METTL3: variants seen among roughly 807,000 people sequenced by gnomAD.
METTL3 encodes the protein methyltransferase 3, N6-adenosine-methyltransferase complex catalytic subunit.
Under a neutral mutation model 64.3 loss-of-function variants are expected in METTL3, and 42 were observed. The observed-to-expected ratio is 0.65, with a 90% CI of 0.51 to 0.84. The LOEUF (loss-of-function observed/expected upper bound fraction) is 0.84. Ranked by LOEUF, METTL3 falls within the 40% of genes least tolerant of loss-of-function variation. The pLI is 0.00. For synonymous variants in METTL3, 256 were observed against 263.6 expected, an observed-to-expected ratio of 0.97 and a Z score of 0.28; for missense variants, 435 against 722.3, an observed-to-expected ratio of 0.60 and a Z score of 4.56.
chr14:21,498,645 T>C, intron 10 of METTL3: 1 of 510,172 alleles, frequency 2.0e-6, no homozygotes, highest in Admixed American at 3.6e-5. Context: ...GAGTATTCTT[T>C]GGATAAGCAA....
At chr14:21,502,008 TC>T in intron 3 of METTL3, 105 bp from the exon 4 acceptor site, 1 of 732,586 alleles carries the variant, frequency 1.4e-6, no homozygotes, top group Non-Finnish European at 2.1e-6. Flanking sequence ...AAGAGATAAA[TC>T]AACTTTTTTT....
intron 10 of METTL3, 79 bp from the exon 11 acceptor site, chr14:21,498,448 A>G (rs1190852191): frequency 7.5e-7 from 1 of 1,335,752 alleles, no homozygotes; most frequent in Non-Finnish European, 1.1e-6. Flanking sequence ...TGCATACCAA[A>G]TGAAGACTGC....
At position 21,498,206 on chromosome 14, in the gene METTL3, T is replaced by C. The variant is rs1891454408; in HGVS notation, c.*52A>G. The C allele has an allele frequency of 9.7e-7, 1 of 1,034,132 alleles. No homozygotes were observed. Among genetic ancestry groups the C allele is most frequent in the Non-Finnish European group, 1.5e-6 (1 of 654,902 alleles). The allele number at this position is 1,034,132 out of a possible 1,614,324, so 64.1% of individuals were successfully genotyped here. A position where few individuals can be genotyped will look rare whatever the true frequency, so the allele number is the denominator to read the frequency against. On this transcript the variant is annotated 3_prime_UTR_variant, in exon 11 of 11. Coordinates refer to ENST00000298717, the MANE Select transcript of METTL3 (RefSeq NM_019852.5). The stretch of plus-strand genomic sequence containing the variant: ...TATTGTACAAATATCACTCTTCAGG[T>C]TTAGCTTACAGAGCCATGGCTATGG...
intron 6 of METTL3, among the ~76,000 whole-genome samples, chr14:21,500,279 G>A (rs887825062): frequency 6.6e-6 from 1 of 151,988 alleles, no homozygotes; most frequent in Non-Finnish European, 1.5e-5. Flanking sequence ...CAGGAGAATT[G>A]CTTGAACCTG....
At chr14:21,509,815 A>G (rs1033165200) in intron 1 of METTL3, among the ~76,000 whole-genome samples, 5 of 152,232 alleles carry the variant, frequency 3.3e-5, no homozygotes, top group Non-Finnish European at 5.9e-5. Context: ...TGTATCTATA[A>G]ATAAATCAAT....
At chr14:21,503,065 C>T in intron 3 of METTL3, 108 bp downstream of exon 3, 1 of 1,227,186 alleles carries the variant, frequency 8.1e-7, no homozygotes. Flanking sequence ...GAATCATCCC[C>T]AGTTGAGAAC....
chr14:21,501,423 C>T, intron 4 of METTL3: 1 of 544,660 alleles, frequency 1.8e-6, no homozygotes, highest in South Asian at 2.2e-5. Context: ...GTTTAGGTTC[C>T]TTTTCTCCTA....
At chr14:21,504,198 C>T in intron 1 of METTL3, 1 of 306,602 alleles carries the variant, frequency 3.3e-6, no homozygotes, top group South Asian at 3.3e-5. Flanking sequence ...TTTCTATCAA[C>T]CTACATTTTA....
Position 21,500,964 on chromosome 14 carries a change from A to G in METTL3, c.1065T>C (p.Leu355=). The G allele has an allele frequency of 6.2e-7, 1 of 1,614,184 alleles. No individual in the cohort carries two copies. Among genetic ancestry groups the G allele is most frequent in the Non-Finnish European group, 8.5e-7 (1 of 1,180,026 alleles). ...KDHTPSQELA[L]TQSVGGDSSA... The stretch of plus-strand genomic sequence containing the variant: ...TGGAATCACCTCCGACACTCTGTGT[A>G]AGAGCAAGCTCCTGGCTTGGCGTGT... Residue 355 remains leucine (L), a synonymous_variant, in exon 5 of 11, where the codon CTT becomes CTC. Transcript: ENST00000298717.
chr14:21,503,094 C>A, intron 3 of METTL3, 79 bp downstream of exon 3: 1 of 1,463,040 alleles, frequency 6.8e-7, no homozygotes, highest in South Asian at 1.3e-5. Context: ...TAAACAGTTC[C>A]TTGCCCTAGG....
Position 21,501,756 on chromosome 14 carries a change from C to T in METTL3, c.871G>A (p.Asp291Asn). Residue 291 changes from aspartate to asparagine, a missense_variant, in exon 4 of 11, where the codon GAT becomes AAT. Transcript: ENST00000298717. ...AAGTGCAGCTTGCGACAGGGTCGATCAGCATCACTGGCTTTCATGCACTCC... is the reference window on the plus strand; with the variant it reads ...AAGTGCAGCTTGCGACAGGGTCGATTAGCATCACTGGCTTTCATGCACTCC... ...KEECMKASDADRPCRKLHFRR... is the reference protein window; with the variant it reads ...KEECMKASDANRPCRKLHFRR... 1 of 1,614,208 alleles carries T rather than the reference C, an allele frequency of 6.2e-7. No homozygotes were observed. The highest frequency in any genetic ancestry group is 2.2e-5 in the East Asian group (1 of 44,886).
chr14:21,499,117 T>G lies in METTL3; in HGVS notation c.1539A>C (p.Lys513Asn), dbSNP rs1018924508. The change falls in exon 10 of 11, where the codon AAA (lysine) becomes AAC (asparagine). Residue 513 changes from lysine to asparagine, a missense_variant. Transcript: ENST00000298717. ...IVAEVRSTSH[K>N]PDEIYGMIER... is the part of the protein sequence containing the mutation. ...CAATCATGCCATAGATTTCATCTGG[T>G]TTATGACTGGTGGAACGAACCTAGG... 1 of 1,613,998 alleles carries G rather than the reference T, an allele frequency of 6.2e-7. No homozygotes were observed. Among genetic ancestry groups the G allele is most frequent in the Non-Finnish European group, 8.5e-7 (1 of 1,179,896 alleles).
chr14:21,511,012 G>A (rs1304752649), intron 1 of METTL3, 112 bp downstream of exon 1: 1 of 1,247,126 alleles, frequency 8.0e-7, no homozygotes, highest in Non-Finnish European at 1.1e-6. Context: ...CAATGTACGA[G>A]GCTTTATAGA....
intron 1 of METTL3, 127 bp from the exon 2 acceptor site, chr14:21,504,008 A>G: frequency 1.3e-6 from 1 of 763,976 alleles, no homozygotes; most frequent in South Asian, 1.8e-5. Context: ...TCTGTGACCA[A>G]CTTTAGCACT....
chr14:21,510,622 G>GT (rs1891809641), intron 1 of METTL3: 1 of 152,446 alleles, frequency 6.6e-6, no homozygotes, highest in African/African-American at 2.4e-5. Context: ...GCCGGTAGGG[G>GT]TACTCATTCA....
chr14:21,511,144 T>C lies in METTL3; in HGVS notation c.80A>G (p.Lys27Arg), dbSNP rs753284089. The C allele has an allele frequency of 6.2e-7, 1 of 1,614,114 alleles. No homozygotes were observed. Among genetic ancestry groups the C allele is most frequent in the South Asian group, 1.1e-5 (1 of 91,070 alleles). ...SLRERLQRRR[K>R]QDSGHLDLRN... is the part of the protein sequence containing the mutation. ...CTCACCCAAGTGCCCCGAGTCCTGC[T>C]TCCGCCTCCGCTGCAGCCTCTCCCG... Residue 27 changes from lysine (K) to arginine (R), a missense_variant, in exon 1 of 11, where the codon AAG (lysine) becomes AGG (arginine). Lys to Arg is a conservative substitution (Grantham distance 26, BLOSUM62 2). Transcript: ENST00000298717.
chr14:21,501,168 G>C (rs374001341), intron 4 of METTL3, 39 bp from the exon 5 acceptor site: 1 of 1,470,310 alleles, frequency 6.8e-7, no homozygotes, highest in African/African-American at 1.4e-5. Context: ...TGGTGCTCCA[G>C]ATGTAGATCC....
chr14:21,503,915 C>T, intron 1 of METTL3, 34 bp from the exon 2 acceptor site: 3 of 1,590,430 alleles, frequency 1.9e-6, no homozygotes, highest in Non-Finnish European at 2.6e-6. Context: ...TGAAAAAAGG[C>T]AACCACTGTT....
intron 1 of METTL3, among the ~76,000 whole-genome samples, chr14:21,506,581 A>T (rs1566495653): frequency 1.3e-5 from 2 of 152,148 alleles, no homozygotes; most frequent in African/African-American, 4.8e-5. Context: ...AAAAGAATTA[A>T]AGCAGGGTCT....
Sources: allele counts gnomAD v4.1 joint callset (sites outside exome capture counted in the v4.1 genomes callset), GRCh38; gene constraint gnomAD v4.1.1; transcripts MANE v1.5; gene names NCBI Gene and HGNC (gene_info 2026-07-23, HGNC 2026-07-21).